HNRNPA2B1: variants seen among roughly 807,000 people sequenced by gnomAD.
HNRNPA2B1 encodes the protein heterogeneous nuclear ribonucleoproteins A2/B1.
A neutral mutation model predicts 46.3 loss-of-function variants in HNRNPA2B1; 3 were observed. That is an observed-to-expected ratio of 0.06 (90% confidence interval 0.03 to 0.17). The LOEUF is 0.17. HNRNPA2B1 is among the 10% of genes least tolerant of loss of function. The pLI, the probability that HNRNPA2B1 is intolerant of heterozygous loss-of-function variation, is 1.00. For missense variants in HNRNPA2B1, 221 were observed against 418.9 expected (o/e 0.53, Z 4.12); for synonymous variants, 225 against 133.8 (o/e 1.68, Z -4.70).
chr7:26,192,745 CAT>C (rs1783046090), intron 9 of HNRNPA2B1, among the ~76,000 whole-genome samples, 168 bp from the exon 10 acceptor site: 1 of 152,204 alleles, frequency 6.6e-6, no homozygotes, highest in African/African-American at 2.4e-5. Flanking sequence ...TACTCGGGTT[CAT>C]AGACATTTTT....
chr7:26,196,422 TTCCTGG>T lies in HNRNPA2B1; in HGVS notation c.631_636del (p.Pro211_Gly212del), dbSNP rs756044930. 22 of 1,613,962 alleles carry T rather than the reference TTCCTGG, an allele frequency of 1.4e-5. No homozygotes were observed. The highest frequency in any genetic ancestry group is 3.3e-5 in the Admixed American group (2 of 60,002). On this transcript the variant is annotated inframe_deletion, in exon 6 of 11. Transcript: ENST00000618183. The stretch of plus-strand genomic sequence containing the variant: ...TCACCAGATCCTCCTCTAAAGTTAC[TTCCTGG>T]TCCTGGTCCGAAATTTCCACCGCCA...
chr7:26,197,226 G>C (rs1393933955), intron 3 of HNRNPA2B1, 89 bp downstream of exon 3: 3 of 1,432,528 alleles, frequency 2.1e-6, no homozygotes, highest in Admixed American at 2.3e-5. Flanking sequence ...AAAAAATCTT[G>C]AGTTAAAACT....
chr7:26,192,860 A>C (rs1024980608), intron 9 of HNRNPA2B1, among the ~76,000 whole-genome samples: 2 of 152,204 alleles, frequency 1.3e-5, no homozygotes, highest in Non-Finnish European at 2.9e-5. Context: ...CAAGCCCAAG[A>C]CAAAGCTAGT....
At chr7:26,194,093 A>G (rs1020514642) in intron 7 of HNRNPA2B1, among the ~76,000 whole-genome samples, 16 of 152,298 alleles carry the variant, frequency 1.1e-4, no homozygotes, top group South Asian at 2.1e-4. Flanking sequence ...TACGAATTAC[A>G]TATCTTAAAA....
At chr7:26,194,099 T>C (rs1783221686) in intron 7 of HNRNPA2B1, among the ~76,000 whole-genome samples, 1 of 152,172 alleles carries the variant, frequency 6.6e-6, no homozygotes, top group African/African-American at 2.4e-5. Flanking sequence ...TTACATATCT[T>C]AAAACAATGT....
rs1180538449 is a variant in HNRNPA2B1, at chr7:26,191,275, A to T, written c.*1085T>A. 2.0e-5 allele frequency: 3 copies of T among 152,206 alleles called. No individual in the cohort carries two copies. 9.4% of individuals were successfully genotyped at this position (152,206 alleles called of 1,614,324 possible). A position where few individuals can be genotyped will look rare whatever the true frequency, so the allele number is the denominator to read the frequency against. On this transcript the variant is annotated 3_prime_UTR_variant, in exon 11 of 11. Coordinates refer to ENST00000618183, the MANE Select transcript of HNRNPA2B1 (RefSeq NM_002137.4). ...AGATTGGAAAACAGGGTTTATAAAAATTATTCTCTTGAGTTTATAAATTGT... is the reference window on the plus strand; with the variant it reads ...AGATTGGAAAACAGGGTTTATAAAATTTATTCTCTTGAGTTTATAAATTGT...
At position 26,195,833 on chromosome 7, in the gene HNRNPA2B1, A is replaced by G; in HGVS notation, c.721+14T>C. ...TAGTCACATAAACAAACCAAAACGT[A>G]GAGGAAAACTGACCTCCAGGTCCTC... On this transcript the variant is annotated intron_variant, in intron 7 of 10. Coordinates refer to ENST00000618183, the MANE Select transcript of HNRNPA2B1 (RefSeq NM_002137.4). The G allele has an allele frequency of 6.2e-7, 1 of 1,608,730 alleles. No homozygotes were observed. The highest frequency in any genetic ancestry group is 8.5e-7 in the Non-Finnish European group (1 of 1,178,354).
At chr7:26,195,991 C>A in intron 6 of HNRNPA2B1, 82 bp from the exon 7 acceptor site, 2 of 1,503,768 alleles carry the variant, frequency 1.3e-6, no homozygotes, top group Admixed American at 2.5e-5. Context: ...TCTCTTACTA[C>A]CTCAGCACAA....
intron 1 of HNRNPA2B1, chr7:26,200,325 C>G: frequency 3.5e-6 from 2 of 565,884 alleles, no homozygotes; most frequent in East Asian, 5.9e-5. Context: ...GCAGCGTCCG[C>G]CATGTGAAAG....
Position 26,197,248 on chromosome 7 carries a change from T to G in HNRNPA2B1, c.264+67A>C, listed in dbSNP as rs371022546. 1.8e-5 allele frequency: 27 copies of G among 1,476,962 alleles called. No homozygotes were observed. In the East Asian group the frequency reaches 2.1e-4, roughly 11 times the overall value. The allele number at this position is 1,476,962 out of a possible 1,614,324, so 91.5% of individuals were successfully genotyped here. Reference sequence around the variant, plus strand: ...CTTGAGTTAAAACTAAATTCAGAAATAGTTTCTGATTTTCAGCAGGGCAGC... The same window carrying G: ...CTTGAGTTAAAACTAAATTCAGAAAGAGTTTCTGATTTTCAGCAGGGCAGC... On this transcript the variant is annotated intron_variant, in intron 3 of 10. Transcript: ENST00000618183.
At chr7:26,196,158 G>C (rs550642952) in intron 6 of HNRNPA2B1, among the ~76,000 whole-genome samples, 1 of 152,078 alleles carries the variant, frequency 6.6e-6, no homozygotes, top group African/African-American at 2.4e-5. Context: ...CACTTGATGG[G>C]GGTCAAAGCT....
chr7:26,193,810 C>T (rs1274016862), intron 7 of HNRNPA2B1, 116 bp from the exon 8 acceptor site: 2 of 926,134 alleles, frequency 2.2e-6, no homozygotes, highest in Non-Finnish European at 3.3e-6. Context: ...TAATGAAATT[C>T]CTCTAAAATA....
At chr7:26,196,719 G>T in intron 4 of HNRNPA2B1, 61 bp from the exon 5 acceptor site, 1 of 1,568,758 alleles carries the variant, frequency 6.4e-7, no homozygotes, top group Non-Finnish European at 8.7e-7. Context: ...AGCTTCAAAA[G>T]TTTACCTTTC....
Position 26,197,224 on chromosome 7 carries a change from T to C in HNRNPA2B1, c.264+91A>G. Reference sequence around the variant, plus strand: ...CACACCTTTAATAAGAGAAAAAATCTTGAGTTAAAACTAAATTCAGAAATA... The same window carrying C: ...CACACCTTTAATAAGAGAAAAAATCCTGAGTTAAAACTAAATTCAGAAATA... On this transcript the variant is annotated intron_variant, in intron 3 of 10. Transcript: ENST00000618183. 3.5e-6 allele frequency: 5 copies of C among 1,435,256 alleles called. No individual in the cohort carries two copies. In the South Asian group the frequency reaches 4.1e-5, roughly 12 times the overall value. The allele number at this position is 1,435,256 out of a possible 1,614,324, so 88.9% of individuals were successfully genotyped here.
chr7:26,196,820 C>T lies in HNRNPA2B1; in HGVS notation c.462G>A (p.Val154=). ...TTAGACACTTACATACGATTTTATCCACAGGATCATGGTCATCAAAAGTAA... is the reference window on the plus strand; with the variant it reads ...TTAGACACTTACATACGATTTTATCTACAGGATCATGGTCATCAAAAGTAA... ...GFVTFDDHDP[V]DKIVLQKYHT... is the part of the protein sequence containing the mutation. The change falls in exon 4 of 11, where the codon GTG becomes GTA. Residue 154 remains valine, a synonymous_variant. Transcript: ENST00000618183. 6.2e-7 allele frequency: 1 copy of T among 1,613,528 alleles called. No individual in the cohort carries two copies. The highest frequency in any genetic ancestry group is 8.5e-7 in the Non-Finnish European group (1 of 1,179,752).
rs1782856636 is a variant in HNRNPA2B1 at position 26,191,052 on chromosome 7, T to G, written c.*1308A>C. 6.6e-6 allele frequency: 1 copy of G among 152,590 alleles called. No individual in the cohort carries two copies. The highest frequency in any genetic ancestry group is 1.5e-5 in the Non-Finnish European group (1 of 68,008). 9.5% of individuals were successfully genotyped at this position (152,590 alleles called of 1,614,324 possible). On this transcript the variant is annotated 3_prime_UTR_variant, in exon 11 of 11. Coordinates refer to ENST00000618183, the MANE Select transcript of HNRNPA2B1 (RefSeq NM_002137.4). ...AAAGCTTTATTAATGATCACTTGGCTTGCCTCAGCTGTTGAAATGAAGCAC... is the reference window on the plus strand; with the variant it reads ...AAAGCTTTATTAATGATCACTTGGCGTGCCTCAGCTGTTGAAATGAAGCAC...
intron 1 of HNRNPA2B1, chr7:26,200,361 G>C: frequency 3.2e-6 from 2 of 625,696 alleles, no homozygotes; most frequent in South Asian, 3.6e-5. Context: ...CCCCAGTGAA[G>C]GGAAATGGCG....
chr7:26,192,867 T>C (rs745842645), intron 9 of HNRNPA2B1, among the ~76,000 whole-genome samples: 6 of 152,210 alleles, frequency 3.9e-5, no homozygotes, highest in Non-Finnish European at 8.8e-5. Flanking sequence ...AAGACAAAGC[T>C]AGTTTACTCC....
intron 7 of HNRNPA2B1, among the ~76,000 whole-genome samples, chr7:26,195,136 A>G (rs1219734647): frequency 2.7e-5 from 4 of 150,384 alleles, no homozygotes; most frequent in Non-Finnish European, 5.9e-5. Context: ...AAAAAAAAAA[A>G]GCTTGTGGGC....
Sources: gnomAD v4.1 joint callset for allele counts (sites outside exome capture counted in the v4.1 genomes callset) on GRCh38, gnomAD v4.1.1 for gene constraint, MANE v1.5 for transcripts, NCBI Gene and HGNC (gene_info 2026-07-23, HGNC 2026-07-21) for gene names.